ENTR1: variants seen among roughly 807,000 people sequenced by gnomAD.
ENTR1 encodes the protein endosome-associated-trafficking regulator 1.
A neutral mutation model predicts 47.9 loss-of-function variants in ENTR1; 47 were observed. That is an observed-to-expected ratio of 0.98 (90% CI 0.78 to 1.25). The LOEUF (loss-of-function observed/expected upper bound fraction) is 1.25. ENTR1 is among the 50% of genes most tolerant of loss of function. The probability of loss-of-function intolerance (pLI) is 0.00; values close to 1 mark genes in which losing one functional copy is unlikely to be tolerated. For synonymous variants in ENTR1, 290 were observed against 245.8 expected (o/e 1.18, Z -1.68); for missense variants, 668 against 570.5 (o/e 1.17, Z -1.74).
In ENTR1 at chr9:136,404,186, G is replaced by A. The variant is rs777980507; in HGVS notation, c.1077C>T (p.Val359=). The change falls in exon 9 of 10, where the codon GTC becomes GTT. Residue 359 remains valine, a synonymous_variant. Coordinates refer to ENST00000357365, the MANE Select transcript of ENTR1 (RefSeq NM_001039707.2). Reference sequence around the variant, plus strand: ...CTTCATTCTCTCGCTGGAAGTTGGAGACCTGCGCCTGGGGGGACGGTTACG... The same window carrying A: ...CTTCATTCTCTCGCTGGAAGTTGGAAACCTGCGCCTGGGGGGACGGTTACG... ...KQEISLLQAQ[V]SNFQRENEAL... 7 of 1,607,758 alleles carry A rather than the reference G, an allele frequency of 4.4e-6. No homozygotes were observed. The East Asian group carries it at 6.7e-5, about 15-fold the overall frequency.
chr9:136,409,438 C>A (rs1370133927), intron 2 of ENTR1, among the ~76,000 whole-genome samples: 1 of 152,198 alleles, frequency 6.6e-6, no homozygotes, highest in Non-Finnish European at 1.5e-5. Flanking sequence ...GCCTCGGCCT[C>A]CCAAAGTGCT....
At position 136,405,102 on chromosome 9, in the gene ENTR1, C is replaced by A. The variant is rs1265833857; in HGVS notation, c.994G>T (p.Glu332Ter). The A allele has an allele frequency of 1.2e-6, 2 of 1,612,902 alleles. No individual in the cohort carries two copies. Among genetic ancestry groups the A allele is most frequent in the East Asian group, 4.5e-5 (2 of 44,898 alleles). Reference protein sequence around the residue: ...SVVQQVEQNLELMTKRAVKAE... With the variant: ...SVVQQVEQNL ...GAAGAAACCCATACGGTCATCAGCT[C>A]CAGGTTCTGCTCCACCTGCTGAACC... is the stretch of plus-strand genomic sequence containing the variant. The change falls in exon 7 of 10, where the codon GAG becomes TAG. Residue 332 changes from glutamate to a stop codon, truncating the protein, a stop_gained. Transcript: ENST00000357365. LOFTEE classifies it high-confidence loss of function.
chr9:136,407,234 G>A lies in ENTR1; in HGVS notation c.730C>T (p.Pro244Ser). The change falls in exon 5 of 10, where the codon CCG becomes TCG. Residue 244 changes from proline (P) to serine (S), a missense_variant. Coordinates refer to ENST00000357365, the MANE Select transcript of ENTR1 (RefSeq NM_001039707.2). ...DTDSRVSPAS[P>S]AGSPSADFAV... is the part of the protein sequence containing the mutation. ...AAGTCTGCGCTAGGACTCCCTGCCG[G>A]AGAGGCCGGAGACACGCGAGAATCA... 3 of 1,613,174 alleles carry A rather than the reference G, an allele frequency of 1.9e-6. No homozygotes were observed. The highest frequency in any genetic ancestry group is 2.5e-6 in the Non-Finnish European group (3 of 1,179,994).
chr9:136,409,879 T>C (rs2131575030), intron 2 of ENTR1: 2 of 722,284 alleles, frequency 2.8e-6, no homozygotes, highest in African/African-American at 1.7e-5. Flanking sequence ...CTAACCATCC[T>C]GTACTGGAAC....
chr9:136,404,478 C>T (rs1237815144), intron 8 of ENTR1, among the ~76,000 whole-genome samples, 153 bp downstream of exon 8: 1 of 152,212 alleles, frequency 6.6e-6, no homozygotes, highest in Non-Finnish European at 1.5e-5. Context: ...TGCTTCACGC[C>T]CTGACAGGAA....
rs772628616 is a variant in ENTR1, at chr9:136,407,565, A to G, written c.403-4T>C. 1.1e-3 allele frequency: 158 copies of G among 148,340 alleles called. No homozygotes were observed. The highest frequency in any genetic ancestry group is 1.5e-3 in the Non-Finnish European group (150 of 102,586). 9.2% of individuals were successfully genotyped at this position (148,340 alleles called of 1,614,324 possible). A position where few individuals can be genotyped will look rare whatever the true frequency, so the allele number is the denominator to read the frequency against. ...CCAGGGAATGCCTCGAGGCTTCCTA[A>G]AAAAAAAAAAAAAAAAAAAACAATG... On this transcript the variant is annotated splice_region_variant and splice_polypyrimidine_tract_variant and intron_variant, in intron 4 of 9. Coordinates refer to ENST00000357365, the MANE Select transcript of ENTR1 (RefSeq NM_001039707.2).
At chr9:136,404,526 G>T in intron 8 of ENTR1, 105 bp downstream of exon 8, 1 of 1,234,004 alleles carries the variant, frequency 8.1e-7, no homozygotes, top group Non-Finnish European at 1.2e-6. Context: ...TTCTCTGCTT[G>T]GGCTCAGGGG....
In ENTR1 at chr9:136,407,581, AAAAAC is replaced by A; in HGVS notation, c.403-25_403-21del. 3 of 1,538,834 alleles carry A rather than the reference AAAAAC, an allele frequency of 1.9e-6. No homozygotes were observed. Among genetic ancestry groups the A allele is most frequent in the Non-Finnish European group, 2.6e-6 (3 of 1,146,814 alleles). On this transcript the variant is annotated intron_variant, in intron 4 of 9. Coordinates refer to ENST00000357365, the MANE Select transcript of ENTR1 (RefSeq NM_001039707.2). The stretch of plus-strand genomic sequence containing the variant: ...GGCTTCCTAAAAAAAAAAAAAAAAA[AAAAAC>A]AATGGAGGCCATGCTTCTGACTCGG...
At chr9:136,404,590 A>G in intron 8 of ENTR1, 41 bp downstream of exon 8, 2 of 1,600,740 alleles carry the variant, frequency 1.2e-6, no homozygotes, top group South Asian at 1.1e-5. Context: ...ATGTGACTCC[A>G]CAAATCAAAG....
intron 6 of ENTR1, 21 bp downstream of exon 6, chr9:136,405,884 C>T: frequency 6.6e-7 from 1 of 1,507,278 alleles, no homozygotes; most frequent in Non-Finnish European, 9.1e-7. Context: ...GGATTGCATT[C>T]CTAACTAAAA....
chr9:136,406,504 GT>G (rs1834770468), intron 5 of ENTR1, among the ~76,000 whole-genome samples: 1 of 151,674 alleles, frequency 6.6e-6, no homozygotes, highest in South Asian at 2.1e-4. Flanking sequence ...TTGAAACAGA[GT>G]TTCGCCCGTC....
chr9:136,410,059 C>A, intron 2 of ENTR1, 31 bp downstream of exon 2: 1 of 1,611,780 alleles, frequency 6.2e-7, no homozygotes, highest in Non-Finnish European at 8.5e-7. Context: ...GAACTGGAAG[C>A]GTCCCCGGGG....
rs746024815 is a variant in ENTR1, at chr9:136,405,954, T to C, written c.844A>G (p.Arg282Gly). The part of the protein sequence containing the change: ...DALKDENSKL[R>G]RKLNEVQSFS... ...CTCTGAACCTCATTCAGCTTTCTTC[T>C]CAGCTTAGAATTTTCATCTTTCAGC... The change falls in exon 6 of 10, where the codon AGA becomes GGA. Residue 282 changes from arginine (R) to glycine (G), a missense_variant. Physicochemically the swap from Arg to Gly is moderately radical, Grantham distance 125. Transcript: ENST00000357365. The C allele has an allele frequency of 3.7e-6, 6 of 1,609,720 alleles. No homozygotes were observed. Among genetic ancestry groups the C allele is most frequent in the Non-Finnish European group, 5.1e-6 (6 of 1,178,424 alleles).
In ENTR1 at chr9:136,410,063, C is replaced by T. The variant is rs376782744; in HGVS notation, c.220+27G>A. The stretch of plus-strand genomic sequence containing the variant: ...ACGTGGCGCGGGAACTGGAAGCGTC[C>T]CCGGGGCCGGCGCCCTCGTCTCTCA... On this transcript the variant is annotated intron_variant, in intron 2 of 9. Transcript: ENST00000357365. 5.6e-6 allele frequency: 9 copies of T among 1,612,258 alleles called. No homozygotes were observed. The African/African-American group carries it at 1.2e-4, about 22-fold the overall frequency.
chr9:136,405,434 C>A, intron 6 of ENTR1: 1 of 513,474 alleles, frequency 1.9e-6, no homozygotes, highest in Non-Finnish European at 3.5e-6. Flanking sequence ...TGGCTTTTTG[C>A]CTAAAGTTTA....
At position 136,410,205 on chromosome 9, in the gene ENTR1, G is replaced by A. The variant is rs776109225; in HGVS notation, c.105C>T (p.Pro35=). The part of the protein sequence containing the change: ...PAFYERRSCL[P]QLNCERPHGR... ...CATGGGGGCGCTCACAATTTAGCTG[G>A]GGGAGACAAGACCGGCGCTCATAGA... Residue 35 remains proline (P), a synonymous_variant, in exon 2 of 10, where the codon CCC becomes CCT. Coordinates refer to ENST00000357365, the MANE Select transcript of ENTR1 (RefSeq NM_001039707.2). 6.3e-7 allele frequency: 1 copy of A among 1,598,630 alleles called. No homozygotes were observed. Among genetic ancestry groups the A allele is most frequent in the Non-Finnish European group, 8.5e-7 (1 of 1,173,776 alleles).
Position 136,409,892 on chromosome 9 carries a change from T to C in ENTR1, c.220+198A>G, listed in dbSNP as rs896385424. On this transcript the variant is annotated intron_variant, in intron 2 of 9. Transcript: ENST00000357365. ...CACTAACCATCCTGTACTGGAACTG[T>C]CTGTCTTGGGGGAGGTCTCCCCGCA... is the stretch of plus-strand genomic sequence containing the variant. 3 of 737,838 alleles carry C rather than the reference T, an allele frequency of 4.1e-6. No homozygotes were observed. In the Admixed American group the frequency reaches 6.0e-5, roughly 15 times the overall value. 45.7% of individuals were successfully genotyped at this position (737,838 alleles called of 1,614,324 possible).
chr9:136,406,010 C>T, intron 5 of ENTR1, 32 bp from the exon 6 acceptor site: 1 of 1,550,892 alleles, frequency 6.4e-7, no homozygotes, highest in Non-Finnish European at 8.8e-7. Context: ...ATTAGAAAGT[C>T]AGCATGTCTG....
At chr9:136,404,498 GTCC>G in intron 8 of ENTR1, 130 bp downstream of exon 8, 2 of 985,330 alleles carry the variant, frequency 2.0e-6, no homozygotes, top group South Asian at 3.1e-5. Context: ...AGCGGCTGCT[GTCC>G]TCATTTGAAG....
Sources: allele counts gnomAD v4.1 joint callset (sites outside exome capture counted in the v4.1 genomes callset), GRCh38; gene constraint gnomAD v4.1.1; transcripts MANE v1.5; gene names NCBI Gene and HGNC (gene_info 2026-07-23, HGNC 2026-07-21).